The following ANO10 variants were observed in gnomAD, a reference collection of about 807,000 sequenced individuals.
ANO10 encodes anoctamin-10.
In ANO10, 77 loss-of-function variants were observed where a neutral mutation model predicts 74.7. The ratio of observed to expected loss-of-function variants is 1.03; its 90% CI spans 0.86 to 1.25. ANO10 has a LOEUF of 1.25. Among genes scored for constraint, ANO10 ranks in the 50% most tolerant of loss-of-function variants. ANO10 has a pLI of 0.00. For missense variants in ANO10, 721 were observed against 778.1 expected (o/e 0.93, Z 0.87); for synonymous variants, 279 against 284.9 (o/e 0.98, Z 0.21).
At chr3:43,405,751 G>A (rs943255677) in intron 12 of ANO10, among the ~76,000 whole-genome samples, 1 of 152,170 alleles carries the variant, frequency 6.6e-6, no homozygotes, top group Non-Finnish European at 1.5e-5. Context: ...TGGGATTACA[G>A]GCGTGAGCCA....
chr3:43,461,493 T>C (rs375667516), intron 11 of ANO10, among the ~76,000 whole-genome samples: 1 of 152,196 alleles, frequency 6.6e-6, no homozygotes, highest in African/African-American at 2.4e-5. Context: ...TGAATTCCCA[T>C]GTGTTCTGGG....
At chr3:43,530,527 C>T (rs189390933) in intron 11 of ANO10, among the ~76,000 whole-genome samples, 168 of 151,434 alleles carry the variant, frequency 1.1e-3, no homozygotes, top group Middle Eastern at 6.8e-3. Flanking sequence ...TCTCCTTATC[C>T]GCAGTTTCAC....
At chr3:43,555,137 C>T in intron 10 of ANO10, 141 bp downstream of exon 10, 1 of 830,454 alleles carries the variant, frequency 1.2e-6, no homozygotes, top group Non-Finnish European at 2.0e-6. Context: ...TATCCAAGGC[C>T]ACACAGCTAG....
In ANO10 at chr3:43,537,600, T is replaced by C. The variant is rs565978811; in HGVS notation, c.1797+12120A>G. On this transcript the variant is annotated intron_variant, in intron 11 of 12. Transcript: ENST00000292246. ...CATGATCTCAGGCTCAGAGCAGGCA[T>C]ACTTTATAAACCACACACACACACA... Among the ~76,000 whole-genome samples, 46 of 139,496 alleles carry C rather than the reference T, an allele frequency of 3.3e-4. No homozygotes were observed. The South Asian group carries it at 9.7e-3, about 29-fold the overall frequency. The allele number at this position is 139,496 out of a possible 152,430, so 91.5% of individuals were successfully genotyped here.
At chr3:43,381,797 A>G (rs1480654364) in intron 12 of ANO10, among the ~76,000 whole-genome samples, 1 of 152,242 alleles carries the variant, frequency 6.6e-6, no homozygotes, top group Non-Finnish European at 1.5e-5. Context: ...AACATTCTCC[A>G]AGATAGACCA....
At chr3:43,439,406 C>T (rs1431524445) in intron 11 of ANO10, among the ~76,000 whole-genome samples, 4 of 149,404 alleles carry the variant, frequency 2.7e-5, no homozygotes, top group Non-Finnish European at 5.9e-5. Context: ...CAAGCAGAAG[C>T]TCAAGGACAC....
chr3:43,370,960 A>G (rs1197916638), intron 12 of ANO10, among the ~76,000 whole-genome samples: 1 of 152,118 alleles, frequency 6.6e-6, no homozygotes, highest in African/African-American at 2.4e-5. Flanking sequence ...GACTCCATAG[A>G]CTTGTGATAA....
rs1301328730 is a variant in ANO10, at chr3:43,478,813, A to T, written c.1798-46086T>A. ...ATCAAACATTTGGCAAAAGCTTGAGAAGTCAAATAGTTTTTAAAAAGTCTG... is the reference window on the plus strand; with the variant it reads ...ATCAAACATTTGGCAAAAGCTTGAGTAGTCAAATAGTTTTTAAAAAGTCTG... On this transcript the variant is annotated intron_variant, in intron 11 of 12. Coordinates refer to ENST00000292246, the MANE Select transcript of ANO10 (RefSeq NM_018075.5). Among the ~76,000 whole-genome samples, 3 of 152,328 alleles carry T rather than the reference A, an allele frequency of 2.0e-5. No individual in the cohort carries two copies. The East Asian group carries it at 5.8e-4, about 29-fold the overall frequency.
chr3:43,494,709 C>T lies in ANO10; in HGVS notation c.1797+55011G>A, dbSNP rs539196934. Among the ~76,000 whole-genome samples the T allele has an allele frequency of 2.6e-4, 40 of 151,842 alleles. No individual in the cohort carries two copies. The South Asian group carries it at 3.1e-3, about 12-fold the overall frequency. On this transcript the variant is annotated intron_variant, in intron 11 of 12. Transcript: ENST00000292246. ...AGAAATAAATGCAATGAATTACCAA[C>T]GAAAAACAAGGAAAGTACAGAGCTT...
intron 12 of ANO10, among the ~76,000 whole-genome samples, chr3:43,414,965 T>C (rs13076562): frequency 1.5e-5 from 2 of 137,888 alleles, no homozygotes; most frequent in African/African-American, 2.7e-5. Flanking sequence ...CCTGTCATTG[T>C]GCTTTTTTTT....
chr3:43,367,513 C>T (rs982427918), intron 12 of ANO10, among the ~76,000 whole-genome samples: 7 of 152,174 alleles, frequency 4.6e-5, no homozygotes, highest in African/African-American at 1.7e-4. Flanking sequence ...CTAGTACAGC[C>T]ACAGGACTTA....
intron 11 of ANO10, among the ~76,000 whole-genome samples, chr3:43,433,765 C>T (rs1229800018): frequency 6.6e-6 from 1 of 152,130 alleles, no homozygotes; most frequent in African/African-American, 2.4e-5. Context: ...GATACTTCTC[C>T]GAATCCAGAT....
chr3:43,400,162 G>C (rs1289176213), intron 12 of ANO10, among the ~76,000 whole-genome samples: 1 of 152,018 alleles, frequency 6.6e-6, no homozygotes, highest in Non-Finnish European at 1.5e-5. Context: ...ATTTTTAATA[G>C]ATGTATGCTT....
chr3:43,589,459 G>A (rs894297767), intron 4 of ANO10, among the ~76,000 whole-genome samples: 1 of 152,102 alleles, frequency 6.6e-6, no homozygotes, highest in Non-Finnish European at 1.5e-5. Context: ...GGCTGAGGCG[G>A]GTGGATCATC....
At position 43,691,004 on chromosome 3, in the gene ANO10, G is replaced by A. The variant is rs141365045; in HGVS notation, c.-12+513C>T. On this transcript the variant is annotated intron_variant, in intron 1 of 3. Transcript: ENST00000413397. ...GCGCGGCGGCGGCTATGGCGGCGGA[G>A]GAGGAGGAGGTGGACTCTGCCGACA... The A allele has an allele frequency of 0.028, 43,400 of 1,569,968 alleles. 897 individuals are homozygous for A. Among genetic ancestry groups the A allele is most frequent in the South Asian group, 0.09 (7,826 of 86,592 alleles).
chr3:43,498,710 T>A (rs975989305), intron 11 of ANO10, among the ~76,000 whole-genome samples: 1 of 152,176 alleles, frequency 6.6e-6, no homozygotes, highest in Non-Finnish European at 1.5e-5. Flanking sequence ...TCAAAAAATA[T>A]AATCCTCCCT....
intron 11 of ANO10, among the ~76,000 whole-genome samples, chr3:43,457,256 A>G: frequency 6.6e-6 from 1 of 152,236 alleles, no homozygotes. Flanking sequence ...CCTGACAGTT[A>G]ATAACCTGCT....
chr3:43,543,363 G>C (rs113696348), intron 11 of ANO10, among the ~76,000 whole-genome samples: 10 of 152,266 alleles, frequency 6.6e-5, no homozygotes, highest in African/African-American at 2.2e-4. Context: ...TGGTATTACA[G>C]ATAAGACTCA....
chr3:43,379,787 C>T (rs1490973597), intron 12 of ANO10, among the ~76,000 whole-genome samples: 2 of 152,154 alleles, frequency 1.3e-5, no homozygotes, highest in East Asian at 3.9e-4. Flanking sequence ...TGTTTAACAC[C>T]CCCAAAAGAT....
Sources: gnomAD v4.1 joint callset for allele counts (sites outside exome capture counted in the v4.1 genomes callset) on GRCh38, gnomAD v4.1.1 for gene constraint, MANE v1.5 for transcripts, NCBI Gene and HGNC (gene_info 2026-07-23, HGNC 2026-07-21) for gene names.